Variants in SLC28A3 observed in about 807,000 individuals in gnomAD.
The protein encoded by SLC28A3 is concentrative Na(+)-nucleoside cotransporter 3.
Under a neutral mutation model 84.2 loss-of-function variants are expected in SLC28A3, and 68 were observed. The ratio of observed to expected loss-of-function variants is 0.81; its 90% CI spans 0.66 to 0.99. SLC28A3 has a LOEUF of 0.99. SLC28A3 is among the 50% of genes least tolerant of loss of function. The pLI is 0.00. For synonymous variants in SLC28A3, 267 were observed against 303.6 expected, an observed-to-expected ratio of 0.88 and a Z score of 1.25; for missense variants, 712 against 841.5, an observed-to-expected ratio of 0.85 and a Z score of 1.90.
chr9:84,357,557 A>C, the SLC28A3 span, among the ~76,000 whole-genome samples: 1 of 152,056 alleles, frequency 6.6e-6, no homozygotes, highest in Non-Finnish European at 1.5e-5. Flanking sequence ...ACCAAGTCTG[A>C]GAGCCTCAAT....
intron 1 of SLC28A3, among the ~76,000 whole-genome samples, chr9:84,330,712 A>G (rs1247008590): frequency 6.6e-6 from 1 of 152,258 alleles, no homozygotes; most frequent in Non-Finnish European, 1.5e-5. Flanking sequence ...GTTGACATGT[A>G]CTATATGTTT....
chr9:84,303,024 G>T (rs937151403), intron 4 of SLC28A3, among the ~76,000 whole-genome samples: 3 of 152,150 alleles, frequency 2.0e-5, no homozygotes, highest in Admixed American at 1.3e-4. Context: ...TGGCAAGAAC[G>T]TTTATATTTG....
chr9:84,354,599 G>A, the SLC28A3 span, among the ~76,000 whole-genome samples: 1 of 152,368 alleles, frequency 6.6e-6, no homozygotes, highest in Admixed American at 6.5e-5. Context: ...AGTAATCCCG[G>A]CACTTTAGGA....
intron 1 of SLC28A3, among the ~76,000 whole-genome samples, chr9:84,314,260 C>A (rs183617235): frequency 6.6e-6 from 1 of 152,038 alleles, no homozygotes; most frequent in African/African-American, 2.4e-5. Flanking sequence ...AGGAACTGAA[C>A]GAGATTTGCT....
the SLC28A3 span, among the ~76,000 whole-genome samples, chr9:84,358,934 C>T: frequency 6.6e-6 from 1 of 152,174 alleles, no homozygotes. Flanking sequence ...TCCCAAGTAG[C>T]TGGGACCACA....
At chr9:84,339,189 G>C (rs1827076885) in intron 1 of SLC28A3, among the ~76,000 whole-genome samples, 1 of 152,004 alleles carries the variant, frequency 6.6e-6, no homozygotes. Flanking sequence ...ATAAGCTCCT[G>C]AGTCTATTAG....
At position 84,309,587 on chromosome 9, in the gene SLC28A3, C is replaced by T. The variant is rs369370997; in HGVS notation, c.242+42G>A. 323 of 1,188,096 alleles carry T rather than the reference C, an allele frequency of 2.7e-4. 1 individual carries two copies. Among genetic ancestry groups the T allele is most frequent in the Middle Eastern group, 2.5e-3 (12 of 4,740 alleles). 73.6% of individuals were successfully genotyped at this position (1,188,096 alleles called of 1,614,324 possible). On this transcript the variant is annotated intron_variant, in intron 3 of 17. Coordinates refer to ENST00000376238, the MANE Select transcript of SLC28A3 (RefSeq NM_001199633.2). ...GATAAAACAAAGTAATAAAACCAAA[C>T]GGGAGGTAGGCTTGGTTATTTCCCT...
At position 84,327,515 on chromosome 9, in the gene SLC28A3, T is replaced by A. The variant is rs1356880074; in HGVS notation, c.60+13059A>T. Among the ~76,000 whole-genome samples the A allele has an allele frequency of 3.3e-5, 5 of 152,150 alleles. No homozygotes were observed. In the East Asian group the frequency reaches 9.6e-4, roughly 29 times the overall value. ...CATGATAGCCTCAACAACCCTGCAA[T>A]CATGAAAACTAGGAGTCTAGCCGTT... is the stretch of plus-strand genomic sequence containing the variant. On this transcript the variant is annotated intron_variant, in intron 1 of 17. Coordinates refer to ENST00000376238, the MANE Select transcript of SLC28A3 (RefSeq NM_001199633.2).
intron 1 of SLC28A3, among the ~76,000 whole-genome samples, chr9:84,326,877 C>A (rs1167797770): frequency 6.6e-6 from 1 of 151,820 alleles, no homozygotes; most frequent in Non-Finnish European, 1.5e-5. Flanking sequence ...GACATGGTGG[C>A]GCCTGTAATC....
At chr9:84,314,705 A>G (rs1826106933) in intron 1 of SLC28A3, among the ~76,000 whole-genome samples, 1 of 152,258 alleles carries the variant, frequency 6.6e-6, no homozygotes, top group African/African-American at 2.4e-5. Flanking sequence ...AGACACTAAC[A>G]ATGTTTTGAA....
the SLC28A3 span, among the ~76,000 whole-genome samples, chr9:84,353,265 C>T: frequency 1.3e-5 from 2 of 152,176 alleles, no homozygotes; most frequent in African/African-American, 4.8e-5. Flanking sequence ...ATATTTTAAG[C>T]CTCACTCACG....
chr9:84,309,800 A>G, intron 2 of SLC28A3, 86 bp from the exon 3 acceptor site: 1 of 1,072,244 alleles, frequency 9.3e-7, no homozygotes, highest in Non-Finnish European at 1.4e-6. Context: ...AACTCGGGCA[A>G]AGAACTTTCA....
chr9:84,291,599 G>C (rs1262884474), intron 10 of SLC28A3, among the ~76,000 whole-genome samples: 1 of 152,228 alleles, frequency 6.6e-6, no homozygotes. Flanking sequence ...GCCTCCCAAG[G>C]TGTTGGGATT....
At chr9:84,294,393 A>C in intron 8 of SLC28A3, 118 bp from the exon 9 acceptor site, 1 of 877,850 alleles carries the variant, frequency 1.1e-6, no homozygotes, top group Non-Finnish European at 1.8e-6. Flanking sequence ...AATATGGGAA[A>C]CTCCTCTTGA....
chr9:84,360,840 T>C, the SLC28A3 span, among the ~76,000 whole-genome samples: 1 of 151,962 alleles, frequency 6.6e-6, no homozygotes, highest in African/African-American at 2.4e-5. Context: ...CGCTTGAGCC[T>C]AGGAGGTCAG....
chr9:84,282,744 C>T lies in SLC28A3; in HGVS notation c.1648-1862G>A, dbSNP rs145455421. On this transcript the variant is annotated intron_variant, in intron 14 of 17. Transcript: ENST00000376238. ...ACACCCAGTCTGACAAAGGTACCCA[C>T]GTGACTGAAGCAATACTTTTCCAAT... 1.4e-3 allele frequency among the ~76,000 whole-genome samples: 216 copies of T among 152,326 alleles called. 1 individual carries two copies. Among genetic ancestry groups the T allele is most frequent in the Admixed American group, 2.9e-3 (45 of 15,302 alleles).
chr9:84,304,958 G>A (rs760579242), intron 4 of SLC28A3, among the ~76,000 whole-genome samples: 2 of 152,148 alleles, frequency 1.3e-5, no homozygotes, highest in African/African-American at 2.4e-5. Context: ...GGAGGCAGAG[G>A]TTGCAGTGAG....
intron 6 of SLC28A3, 52 bp from the exon 7 acceptor site, chr9:84,298,071 G>A (rs773895188): frequency 7.3e-5 from 106 of 1,448,544 alleles, no homozygotes; most frequent in Non-Finnish European, 8.7e-5. Flanking sequence ...AATGCAGGCC[G>A]TGGCATGAAT....
chr9:84,362,420 T>G, the SLC28A3 span, among the ~76,000 whole-genome samples: 3 of 152,070 alleles, frequency 2.0e-5, no homozygotes, highest in Admixed American at 6.6e-5. Flanking sequence ...TTGCCTGAGG[T>G]AAGGGGTTGA....
Sources: allele counts gnomAD v4.1 joint callset (sites outside exome capture counted in the v4.1 genomes callset), GRCh38; gene constraint gnomAD v4.1.1; transcripts MANE v1.5; gene names NCBI Gene and HGNC (gene_info 2026-07-23, HGNC 2026-07-21).